The following FBXL17 variants were observed in gnomAD, a reference collection of about 807,000 sequenced individuals.
The protein encoded by FBXL17 is F-box/LRR-repeat protein 17.
FBXL17 carries 22 observed loss-of-function variants against 66.2 expected under a neutral mutation model. The ratio of observed to expected loss-of-function variants is 0.33; its 90% CI spans 0.24 to 0.47. The LOEUF (loss-of-function observed/expected upper bound fraction) is 0.47. Ranked by LOEUF, FBXL17 falls within the 20% of genes least tolerant of loss-of-function variation. The pLI is 1.00. For synonymous variants in FBXL17, 474 were observed against 400.5 expected (o/e 1.18, Z -2.19); for missense variants, 878 against 948.2 (o/e 0.93, Z 0.97).
intron 7 of FBXL17, among the ~76,000 whole-genome samples, chr5:107,950,744 T>C (rs1398149448): frequency 6.6e-6 from 1 of 152,220 alleles, no homozygotes; most frequent in East Asian, 1.9e-4. Context: ...TCAAATCTGC[T>C]ATTAACCTCA....
intron 6 of FBXL17, among the ~76,000 whole-genome samples, chr5:108,161,157 A>AATACATACATACATAC (rs1159409492): frequency 1.0e-5 from 1 of 98,594 alleles, no homozygotes; most frequent in African/African-American, 3.7e-5. Context: ...TTAATCAACA[A>AATACATACATACATAC]ATAGATACAT....
intron 7 of FBXL17, among the ~76,000 whole-genome samples, chr5:107,969,682 A>C (rs982108488): frequency 1.3e-5 from 2 of 152,272 alleles, no homozygotes; most frequent in South Asian, 2.1e-4. Context: ...AGCACACTGG[A>C]AACACTGATA....
At chr5:108,214,339 AT>A (rs1754505935) in intron 5 of FBXL17, among the ~76,000 whole-genome samples, 2 of 150,558 alleles carry the variant, frequency 1.3e-5, no homozygotes, top group South Asian at 2.1e-4. Flanking sequence ...ATAAAGTGTA[AT>A]TTATTAATTA....
chr5:107,994,533 T>TA (rs1753387704), intron 7 of FBXL17, among the ~76,000 whole-genome samples: 1 of 152,022 alleles, frequency 6.6e-6, no homozygotes, highest in Admixed American at 6.5e-5. Context: ...TAAAGGGCAA[T>TA]AAACATACTA....
intron 7 of FBXL17, among the ~76,000 whole-genome samples, chr5:107,954,595 T>C (rs111962491): frequency 2.2e-4 from 33 of 152,256 alleles, no homozygotes; most frequent in African/African-American, 7.0e-4. Context: ...ATCTCCAAAG[T>C]AGAGAATTCT....
Position 108,060,915 on chromosome 5 carries a change from C to T in FBXL17, c.1746-39914G>A, listed in dbSNP as rs543787679. The stretch of plus-strand genomic sequence containing the variant: ...TCCCTGGGGCCCTTCCCCACAGATG[C>T]AGTGTAATGCAGGGGGAGAACCACA... On this transcript the variant is annotated intron_variant, in intron 6 of 8. Transcript: ENST00000542267. Among the ~76,000 whole-genome samples, 4 of 152,108 alleles carry T rather than the reference C, an allele frequency of 2.6e-5. No homozygotes were observed. In the South Asian group the frequency reaches 8.3e-4, roughly 32 times the overall value.
chr5:107,933,224 G>T (rs1750791539), intron 7 of FBXL17, among the ~76,000 whole-genome samples: 1 of 152,164 alleles, frequency 6.6e-6, no homozygotes, highest in Admixed American at 6.6e-5. Context: ...ACAGAATTAG[G>T]ATCTACAGGT....
chr5:107,889,956 G>A (rs960422246), intron 7 of FBXL17, among the ~76,000 whole-genome samples: 10 of 152,088 alleles, frequency 6.6e-5, no homozygotes, highest in Non-Finnish European at 1.2e-4. Flanking sequence ...GGTTTTCAGT[G>A]GTGCTGTATT....
At chr5:108,378,320 GTTTTTGT>G (rs1344637530) in intron 1 of FBXL17, among the ~76,000 whole-genome samples, 4 of 109,278 alleles carry the variant, frequency 3.7e-5, no homozygotes, top group Admixed American at 8.2e-5. Context: ...TACCTGCCTC[GTTTTTGT>G]TTTTTGTTTT....
chr5:108,122,513 T>C (rs772744657), intron 6 of FBXL17, among the ~76,000 whole-genome samples: 7 of 152,240 alleles, frequency 4.6e-5, no homozygotes, highest in Admixed American at 1.3e-4. Context: ...TATGGACTTA[T>C]GTTTTATGGT....
chr5:108,170,873 A>G lies in FBXL17; in HGVS notation c.1745+15244T>C, dbSNP rs912633823. 4.6e-5 allele frequency among the ~76,000 whole-genome samples: 7 copies of G among 152,204 alleles called. 1 individual carries two copies. The highest frequency in any genetic ancestry group is 2.6e-4 in the Admixed American group (4 of 15,280). On this transcript the variant is annotated intron_variant, in intron 6 of 8. Transcript: ENST00000542267. ...ATCAAAAGACGTAGATGTTGAAGGC[A>G]TAAATATAGTGGTGATTATGTCACA...
intron 6 of FBXL17, among the ~76,000 whole-genome samples, chr5:108,038,698 T>C (rs1484973143): frequency 1.3e-5 from 2 of 152,040 alleles, no homozygotes; most frequent in Admixed American, 1.3e-4. Context: ...TAAAACTACA[T>C]TGAATGCATA....
At chr5:108,284,098 T>C (rs1757805872) in intron 4 of FBXL17, among the ~76,000 whole-genome samples, 1 of 151,876 alleles carries the variant, frequency 6.6e-6, no homozygotes, top group African/African-American at 2.4e-5. Context: ...GCATGTAAAT[T>C]AGTACAACCT....
intron 7 of FBXL17, among the ~76,000 whole-genome samples, chr5:107,921,934 C>G (rs1442044640): frequency 6.6e-6 from 1 of 152,168 alleles, no homozygotes; most frequent in Non-Finnish European, 1.5e-5. Context: ...CAGACTGAAA[C>G]GTGGATACCA....
intron 4 of FBXL17, among the ~76,000 whole-genome samples, chr5:108,316,400 T>C (rs1201381074): frequency 6.6e-6 from 1 of 151,420 alleles, no homozygotes; most frequent in African/African-American, 2.4e-5. Flanking sequence ...CTGTTCTAGA[T>C]TAAATATTAA....
chr5:107,968,789 C>G (rs1033614726), intron 7 of FBXL17, among the ~76,000 whole-genome samples: 1 of 152,122 alleles, frequency 6.6e-6, no homozygotes, highest in Non-Finnish European at 1.5e-5. Context: ...TGCTTGGAGT[C>G]TAGTGGCTCT....
At chr5:108,215,164 T>C (rs1317530433) in intron 5 of FBXL17, among the ~76,000 whole-genome samples, 1 of 152,246 alleles carries the variant, frequency 6.6e-6, no homozygotes, top group Non-Finnish European at 1.5e-5. Context: ...ATGTTGCTGC[T>C]ATGGGCATTC....
chr5:108,290,276 G>A (rs776668940), intron 4 of FBXL17, among the ~76,000 whole-genome samples: 5 of 152,274 alleles, frequency 3.3e-5, no homozygotes, highest in Admixed American at 1.3e-4. Flanking sequence ...AATACTGGGC[G>A]TGAATGTTAG....
intron 6 of FBXL17, among the ~76,000 whole-genome samples, chr5:108,054,725 A>T (rs1023024684): frequency 1.3e-5 from 2 of 152,220 alleles, no homozygotes; most frequent in Admixed American, 1.3e-4. Context: ...TACAGAAAGC[A>T]GGCTTTTGTT....
Sources: gnomAD v4.1 joint callset for allele counts (sites outside exome capture counted in the v4.1 genomes callset) on GRCh38, gnomAD v4.1.1 for gene constraint, MANE v1.5 for transcripts, NCBI Gene and HGNC (gene_info 2026-07-23, HGNC 2026-07-21) for gene names.